Variants in DPP6 observed in about 807,000 individuals in gnomAD.
DPP6 encodes the protein A-type potassium channel modulatory protein DPP6.
A neutral mutation model predicts 122.6 loss-of-function variants in DPP6; 69 were observed. The observed-to-expected ratio is 0.56, with a 90% CI of 0.46 to 0.69. DPP6 has a LOEUF of 0.69. Ranked by LOEUF, DPP6 falls within the 30% of genes least tolerant of loss-of-function variation. DPP6 has a pLI of 0.00. For missense variants in DPP6, 928 were observed against 1,116.9 expected, an observed-to-expected ratio of 0.83 and a Z score of 2.41; for synonymous variants, 418 against 433.1, an observed-to-expected ratio of 0.97 and a Z score of 0.43.
chr7:154,585,444 C>T (rs913895474), intron 5 of DPP6, among the ~76,000 whole-genome samples: 4 of 152,074 alleles, frequency 2.6e-5, no homozygotes, highest in African/African-American at 9.7e-5. Flanking sequence ...GAATGACTTG[C>T]GAGGATCAAG....
chr7:154,274,971 G>A (rs1187567499), intron 1 of DPP6, among the ~76,000 whole-genome samples: 1 of 152,244 alleles, frequency 6.6e-6, no homozygotes, highest in African/African-American at 2.4e-5. Flanking sequence ...TGGGATCCTT[G>A]TGCAGTTGGC....
At chr7:153,773,573 T>C in the DPP6 span, among the ~76,000 whole-genome samples, 12 of 150,864 alleles carry the variant, frequency 8.0e-5, no homozygotes, top group African/African-American at 2.7e-4. Context: ...TCTAGAAAAT[T>C]CCTAAATACT....
At chr7:154,101,951 A>G (rs1805761493) in intron 1 of DPP6, among the ~76,000 whole-genome samples, 1 of 151,034 alleles carries the variant, frequency 6.6e-6, no homozygotes, top group Non-Finnish European at 1.5e-5. Context: ...AAAAAAAAAA[A>G]AAAAAAAAGA....
At chr7:154,646,042 A>AAAAAAAAAAAG (rs1252437695) in intron 6 of DPP6, among the ~76,000 whole-genome samples, 2 of 150,432 alleles carry the variant, frequency 1.3e-5, no homozygotes, top group African/African-American at 4.9e-5. Context: ...AAAAAAAAAA[A>AAAAAAAAAAAG]AAAGAAAATA....
At chr7:154,883,268 TCA>T (rs201106275) in intron 21 of DPP6, among the ~76,000 whole-genome samples, 9 of 112,842 alleles carry the variant, frequency 8.0e-5, no homozygotes, top group Middle Eastern at 0.014. Context: ...ACACCTGCTC[TCA>T]CACACATGCT....
intron 1 of DPP6, among the ~76,000 whole-genome samples, chr7:154,165,549 AT>A (rs1266360541): frequency 1.3e-5 from 2 of 151,268 alleles, no homozygotes; most frequent in African/African-American, 4.9e-5. Context: ...GTCAAATGGT[AT>A]TTCTAGTTCT....
At chr7:154,547,210 G>C (rs1170924404) in intron 4 of DPP6, among the ~76,000 whole-genome samples, 2 of 152,218 alleles carry the variant, frequency 1.3e-5, no homozygotes, top group South Asian at 4.1e-4. Flanking sequence ...GGCCAGCAAT[G>C]GCCCATGAGC....
At chr7:154,054,563 TC>T (rs959444678) in intron 1 of DPP6, among the ~76,000 whole-genome samples, 10 of 152,184 alleles carry the variant, frequency 6.6e-5, no homozygotes, top group Non-Finnish European at 2.9e-5. Flanking sequence ...GTTTCCAGAC[TC>T]CCCTGGTTAA....
intron 1 of DPP6, among the ~76,000 whole-genome samples, chr7:154,367,190 G>A (rs960088015): frequency 2.0e-5 from 3 of 152,090 alleles, no homozygotes; most frequent in African/African-American, 7.2e-5. Context: ...TGACAGGTGG[G>A]GGCAGATGTG....
At chr7:154,354,455 C>T (rs1451264048) in intron 1 of DPP6, among the ~76,000 whole-genome samples, 1 of 152,186 alleles carries the variant, frequency 6.6e-6, no homozygotes, top group Non-Finnish European at 1.5e-5. Context: ...ACTGCAACAG[C>T]TTGTAAACTT....
intron 1 of DPP6, among the ~76,000 whole-genome samples, chr7:154,380,878 C>T (rs748270513): frequency 4.0e-4 from 61 of 152,186 alleles, no homozygotes; most frequent in Non-Finnish European, 1.6e-4. Flanking sequence ...GCCAGGAATG[C>T]ATAGCTTATC....
chr7:154,121,280 A>G (rs192606890), intron 1 of DPP6, among the ~76,000 whole-genome samples: 4 of 152,206 alleles, frequency 2.6e-5, no homozygotes, highest in East Asian at 1.9e-4. Context: ...CTTCTGCTCT[A>G]TTATTTATTG....
At chr7:153,765,547 A>AAC in the DPP6 span, among the ~76,000 whole-genome samples, 1 of 121,152 alleles carries the variant, frequency 8.3e-6, no homozygotes, top group African/African-American at 3.1e-5. Context: ...CATGTAAAAA[A>AAC]ACAAAAAAAA....
At chr7:153,748,335 C>T in the DPP6 span, among the ~76,000 whole-genome samples, 1 of 150,290 alleles carries the variant, frequency 6.7e-6, no homozygotes, top group African/African-American at 2.5e-5. Context: ...CAAGAGTGGG[C>T]GCCAGTCCCT....
intron 8 of DPP6, among the ~76,000 whole-genome samples, chr7:154,754,926 T>C (rs13340495): frequency 0.044 from 6,704 of 151,842 alleles, 520 homozygotes; most frequent in African/African-American, 0.15. Flanking sequence ...AGTTGAACAA[T>C]GAGAACACAT....
At chr7:153,880,055 A>G in the DPP6 span, among the ~76,000 whole-genome samples, 1 of 152,196 alleles carries the variant, frequency 6.6e-6, no homozygotes, top group Admixed American at 6.5e-5. Context: ...GAAAATTAAC[A>G]AGGTTCATTT....
chr7:154,555,002 A>C (rs899445893), intron 4 of DPP6, among the ~76,000 whole-genome samples: 1 of 152,178 alleles, frequency 6.6e-6, no homozygotes, highest in Non-Finnish European at 1.5e-5. Context: ...ATAATTGCTT[A>C]AATATGCTAA....
chr7:154,889,106 T>C (rs1806395160), intron 23 of DPP6, among the ~76,000 whole-genome samples, 166 bp from the exon 24 acceptor site: 1 of 152,216 alleles, frequency 6.6e-6, no homozygotes, highest in African/African-American at 2.4e-5. Flanking sequence ...ACTGGGCTTC[T>C]GACATCTGCC....
intron 3 of DPP6, among the ~76,000 whole-genome samples, chr7:154,534,327 T>C (rs75650054): frequency 0.051 from 7,730 of 152,202 alleles, 271 homozygotes; most frequent in East Asian, 0.086. Context: ...TTGGGAACAA[T>C]GAAAAGATGT....
Sources: allele counts gnomAD v4.1 joint callset (sites outside exome capture counted in the v4.1 genomes callset), GRCh38; gene constraint gnomAD v4.1.1; transcripts MANE v1.5; gene names NCBI Gene and HGNC (gene_info 2026-07-23, HGNC 2026-07-21).